CEP250: variants seen among roughly 807,000 people sequenced by gnomAD.
The protein encoded by CEP250 is centrosome-associated protein CEP250.
CEP250 carries 242 observed loss-of-function variants against 315.7 expected under a neutral mutation model. The observed-to-expected ratio is 0.77, with a 90% CI of 0.69 to 0.85. The LOEUF is 0.85. CEP250 is among the 40% of genes least tolerant of loss of function. CEP250 has a pLI of 0.00. For missense variants in CEP250, 2,515 were observed against 2,886.4 expected, an observed-to-expected ratio of 0.87 and a Z score of 2.95; for synonymous variants, 1,088 against 1,175.0, an observed-to-expected ratio of 0.93 and a Z score of 1.51.
At position 35,477,858 on chromosome 20, in the gene CEP250, T is replaced by A; in HGVS notation, c.1864-13T>A. ...CTTTGATGCTTGTACTCCCTTCCCT[T>A]TTTGGCCAGTAGTTAGAGGAGGAGA... On this transcript the variant is annotated splice_polypyrimidine_tract_variant and intron_variant, in intron 16 of 34. Transcript: ENST00000397527. The A allele has an allele frequency of 6.4e-7, 1 of 1,561,590 alleles. No individual in the cohort carries two copies. The highest frequency in any genetic ancestry group is 2.3e-5 in the East Asian group (1 of 42,678).
At chr20:35,495,122 A>C (rs988919992) in intron 24 of CEP250, among the ~76,000 whole-genome samples, 1 of 152,224 alleles carries the variant, frequency 6.6e-6, no homozygotes, top group Non-Finnish European at 1.5e-5. Flanking sequence ...GGGGAGTTCT[A>C]TTCCGTAAGA....
At chr20:35,487,174 G>A (rs1333250927) in intron 20 of CEP250, among the ~76,000 whole-genome samples, 1 of 152,132 alleles carries the variant, frequency 6.6e-6, no homozygotes, top group Non-Finnish European at 1.5e-5. Context: ...GCAATTAGAA[G>A]CACTCTTGGG....
chr20:35,477,877 G>A lies in CEP250; in HGVS notation c.1870G>A (p.Glu624Lys). The change falls in exon 17 of 35, where the codon GAG becomes AAG. Residue 624 changes from glutamate to lysine, a missense_variant. Transcript: ENST00000397527. Reference sequence around the variant, plus strand: ...TTCCCTTTTTGGCCAGTAGTTAGAGGAGGAGAACCAGTCTGTGTGCAGCAG... The same window carrying A: ...TTCCCTTTTTGGCCAGTAGTTAGAGAAGGAGAACCAGTCTGTGTGCAGCAG... ...GLNQQLLQLE[E>K]ENQSVCSRME... is the part of the protein sequence containing the mutation. The A allele has an allele frequency of 1.9e-6, 3 of 1,580,950 alleles. No homozygotes were observed. Among genetic ancestry groups the A allele is most frequent in the Non-Finnish European group, 1.7e-6 (2 of 1,163,210 alleles).
At position 35,503,380 on chromosome 20, in the gene CEP250, G is replaced by A. The variant is rs1343201020; in HGVS notation, c.5011G>A (p.Glu1671Lys). ...MLQKERIQVL[E>K]DQRTRQTKIL... The stretch of plus-strand genomic sequence containing the variant: ...GCAGAAGGAGAGGATTCAGGTTCTC[G>A]AGGATCAGAGGACCCGGCAGACCAA... Residue 1671 changes from glutamate to lysine, a missense_variant, in exon 30 of 35, where the codon GAG becomes AAG. By Grantham distance (56) the Glu-to-Lys change is moderately conservative. Transcript: ENST00000397527. The surrounding 1 kb of genome is among the most constrained non-coding windows in gnomAD (Gnocchi z 4.2). The A allele has an allele frequency of 4.3e-6, 7 of 1,614,170 alleles. No individual in the cohort carries two copies. The highest frequency in any genetic ancestry group is 1.3e-5 in the African/African-American group (1 of 75,046).
chr20:35,499,452 C>T lies in CEP250; in HGVS notation c.3778-597C>T, dbSNP rs138670636. On this transcript the variant is annotated intron_variant, in intron 27 of 34. Transcript: ENST00000397527. Reference sequence around the variant, plus strand: ...TTCTAGGCCTAGGTCTGAAAGAGCTCATAAATTCCACCTCACAGTGAACCT... The same window carrying T: ...TTCTAGGCCTAGGTCTGAAAGAGCTTATAAATTCCACCTCACAGTGAACCT... 9.0e-3 allele frequency among the ~76,000 whole-genome samples: 1,367 copies of T among 152,230 alleles called. 89 individuals are homozygous for T. The highest frequency in any genetic ancestry group is 0.08 in the Admixed American group (1,228 of 15,286).
intron 10 of CEP250, 70 bp from the exon 11 acceptor site, chr20:35,471,980 T>C (rs1045776593): frequency 2.4e-5 from 22 of 928,292 alleles, no homozygotes; most frequent in Non-Finnish European, 3.4e-5. Flanking sequence ...CTTTGGTTGT[T>C]TGGGGTCCTG....
intron 20 of CEP250, among the ~76,000 whole-genome samples, chr20:35,485,876 G>T (rs796374150): frequency 1.0e-4 from 15 of 147,932 alleles, no homozygotes; most frequent in African/African-American, 3.2e-4. Context: ...TACCCAGGCT[G>T]GTCTTGAACT....
chr20:35,473,594 TCA>T (rs1490237539), intron 13 of CEP250, 42 bp downstream of exon 13: 1 of 1,536,790 alleles, frequency 6.5e-7, no homozygotes, highest in East Asian at 2.3e-5. Flanking sequence ...CAGCCTGGTC[TCA>T]GTCTCAGTCA....
intron 34 of CEP250, among the ~76,000 whole-genome samples, chr20:35,511,159 C>G (rs1373679609): frequency 3.3e-5 from 5 of 152,164 alleles, no homozygotes; most frequent in African/African-American, 1.2e-4. Flanking sequence ...ACATGTGCAG[C>G]CAGGATTGAG....
At chr20:35,490,030 A>T (rs1243623006) in intron 20 of CEP250, among the ~76,000 whole-genome samples, 1 of 152,010 alleles carries the variant, frequency 6.6e-6, no homozygotes, top group Non-Finnish European at 1.5e-5. Flanking sequence ...AAGAATGCCT[A>T]GGCTAGGCAC....
At chr20:35,495,533 G>A (rs529631370) in intron 24 of CEP250, among the ~76,000 whole-genome samples, 2 of 152,238 alleles carry the variant, frequency 1.3e-5, no homozygotes, top group East Asian at 3.9e-4. Context: ...GCTGAGGTGG[G>A]CAGATCACTT....
rs2063916855 is a variant in CEP250 at position 35,498,672 on chromosome 20, C to T, written c.3733C>T (p.Leu1245Phe). ...ALSAEAVASA[L>F]HKLHQDLWKT... is the part of the protein sequence containing the mutation. ...CTCCGCTGAGGCAGTAGCATCTGCC[C>T]TCCACAAGCTTCATCAAGACCTGTG... Residue 1245 changes from leucine to phenylalanine, a missense_variant, in exon 27 of 35, where the codon CTC becomes TTC. Coordinates refer to ENST00000397527, the MANE Select transcript of CEP250 (RefSeq NM_007186.6). 1.9e-6 allele frequency: 3 copies of T among 1,605,158 alleles called. No individual in the cohort carries two copies. The highest frequency in any genetic ancestry group is 2.5e-6 in the Non-Finnish European group (3 of 1,177,436).
intron 24 of CEP250, 111 bp downstream of exon 24, chr20:35,494,768 G>T: frequency 8.3e-7 from 1 of 1,201,052 alleles, no homozygotes. Flanking sequence ...TGCAACTCTG[G>T]GATGTACATG....
chr20:35,502,867 G>T lies in CEP250; in HGVS notation c.4498G>T (p.Glu1500Ter). The T allele has an allele frequency of 6.2e-7, 1 of 1,614,252 alleles. No individual in the cohort carries two copies. Among genetic ancestry groups the T allele is most frequent in the Non-Finnish European group, 8.5e-7 (1 of 1,180,050 alleles). ...TCTGCCCATGGCCGTCCAGGAGCGAGAGCAGAAGCTGACTGTGCAGAGGGA... is the reference window on the plus strand; with the variant it reads ...TCTGCCCATGGCCGTCCAGGAGCGATAGCAGAAGCTGACTGTGCAGAGGGA... ...EHLPMAVQER[E>*]QKLTVQREQI... The change falls in exon 30 of 35, where the codon GAG (glutamate) becomes TAG (stop). Residue 1500 changes from glutamate to a stop codon, truncating the protein, a stop_gained. Transcript: ENST00000397527. LOFTEE classifies it high-confidence loss of function.
In CEP250 at chr20:35,480,125, A is replaced by G. The variant is rs770616514; in HGVS notation, c.2566A>G (p.Asn856Asp). 3.7e-6 allele frequency: 6 copies of G among 1,612,072 alleles called. No individual in the cohort carries two copies. In the South Asian group the frequency reaches 4.4e-5, roughly 12 times the overall value. ...QQKAAHEKEVNQLREKWEKER... is the reference protein window; with the variant it reads ...QQKAAHEKEVDQLREKWEKER... The stretch of plus-strand genomic sequence containing the variant: ...GAAGGCAGCCCATGAGAAAGAGGTG[A>G]ACCAGCTCCGGGAGAAATGGGTAAG... Residue 856 changes from asparagine (N) to aspartate (D), a missense_variant, in exon 20 of 35, where the codon AAC becomes GAC. Transcript: ENST00000397527.
At chr20:35,508,317 G>GA in intron 32 of CEP250, 127 bp downstream of exon 32, 1 of 838,000 alleles carries the variant, frequency 1.2e-6, no homozygotes, top group Non-Finnish European at 1.7e-6. Context: ...AATTAAGTTT[G>GA]TTTTTTTTTT....
chr20:35,500,313 A>G, intron 28 of CEP250, 144 bp downstream of exon 28: 1 of 1,068,936 alleles, frequency 9.4e-7, no homozygotes, highest in South Asian at 1.6e-5. Flanking sequence ...CTCAGGTTTG[A>G]GTACAATGTC....
chr20:35,510,421 C>CCAGCACAAGCTCCAGGCCACACAGCT (rs1424079761), intron 34 of CEP250, among the ~76,000 whole-genome samples: 4 of 152,134 alleles, frequency 2.6e-5, no homozygotes, highest in East Asian at 1.9e-4. Context: ...GAGCCAGGCA[C>CCAGCACAAGCTCCAGGCCACACAGCT]CAGCACAAGC....
intron 14 of CEP250, among the ~76,000 whole-genome samples, chr20:35,475,113 A>G (rs553650472): frequency 6.6e-6 from 1 of 152,210 alleles, no homozygotes; most frequent in Non-Finnish European, 1.5e-5. Flanking sequence ...GGAGGATCAC[A>G]TGAGCCCCCA....
Sources: allele counts gnomAD v4.1 joint callset (sites outside exome capture counted in the v4.1 genomes callset), GRCh38; gene constraint gnomAD v4.1.1; non-coding constraint Gnocchi (gnomAD v3.1); transcripts MANE v1.5; gene names NCBI Gene and HGNC (gene_info 2026-07-23, HGNC 2026-07-21).